The following SLC38A8 variants were observed in gnomAD, a reference collection of about 807,000 sequenced individuals.
SLC38A8 encodes amino acid transporter SLC38A8.
A neutral mutation model predicts 46.0 loss-of-function variants in SLC38A8; 65 were observed. The ratio of observed to expected loss-of-function variants is 1.41; its 90% CI spans 1.16 to 1.74. The LOEUF (loss-of-function observed/expected upper bound fraction) is 1.74, where lower values mean the gene tolerates loss of function less well. Ranked by LOEUF, SLC38A8 falls within the 40% of genes most tolerant of loss-of-function variation. The pLI is 0.00. For synonymous variants in SLC38A8, 447 were observed against 243.7 expected (o/e 1.83, Z -7.77); for missense variants, 998 against 567.9 (o/e 1.76, Z -7.70).
chr16:84,024,097 A>G (rs9929729), intron 6 of SLC38A8, among the ~76,000 whole-genome samples: 61,895 of 151,912 alleles, frequency 0.41, 13,078 homozygotes, highest in African/African-American at 0.49. Context: ...CATGCCAGTA[A>G]CAGCCCCCCT....
chr16:84,040,584 C>A (rs546804710), intron 2 of SLC38A8, among the ~76,000 whole-genome samples: 103 of 152,342 alleles, frequency 6.8e-4, no homozygotes, highest in Non-Finnish European at 1.4e-3. Context: ...CACCTGCCCT[C>A]TGTGGCTTGA....
chr16:84,028,129 A>C (rs529064514), intron 6 of SLC38A8, among the ~76,000 whole-genome samples: 1 of 152,214 alleles, frequency 6.6e-6, no homozygotes, highest in Admixed American at 6.5e-5. Context: ...TGGTCAAGGG[A>C]AGAGACGAGC....
chr16:84,017,181 G>C lies in SLC38A8; in HGVS notation c.912C>G (p.Val304=). The C allele has an allele frequency of 6.2e-7, 1 of 1,614,104 alleles. No homozygotes were observed. Among genetic ancestry groups the C allele is most frequent in the South Asian group, 1.1e-5 (1 of 91,070 alleles). The change falls in exon 8 of 11, where the codon GTC becomes GTG. Residue 304 remains valine (V), a synonymous_variant. Coordinates refer to ENST00000299709, the MANE Select transcript of SLC38A8 (RefSeq NM_001080442.3). ...CGATGGGGTAGACAGTTACGATGGA[G>C]ACAGCAAAAAGGACCCGGGCCACAA... ...VIIVARVLFA[V]SIVTVYPIVL...
At chr16:84,033,817 A>G (rs4782878) in intron 3 of SLC38A8, among the ~76,000 whole-genome samples, 130,156 of 152,182 alleles carry the variant, frequency 0.86, 55,753 homozygotes, top group East Asian at 0.91. Context: ...TAGTATCTGG[A>G]GTCAAATGGG....
intron 7 of SLC38A8, among the ~76,000 whole-genome samples, chr16:84,020,269 G>C (rs1040280441): frequency 3.3e-5 from 5 of 151,576 alleles, no homozygotes; most frequent in Non-Finnish European, 7.4e-5. Context: ...TCAGCCTCCT[G>C]AGTAGCTGGA....
chr16:84,021,445 A>C (rs193069425), intron 7 of SLC38A8, among the ~76,000 whole-genome samples: 63 of 152,318 alleles, frequency 4.1e-4, no homozygotes, highest in African/African-American at 1.3e-3. Flanking sequence ...CCAGCTTCTA[A>C]CAGGTTTGTC....
intron 6 of SLC38A8, among the ~76,000 whole-genome samples, chr16:84,024,479 G>T (rs897980655): frequency 1.3e-5 from 2 of 151,994 alleles, no homozygotes; most frequent in Non-Finnish European, 2.9e-5. Context: ...ATGCCCAAGG[G>T]GGATAAGAAT....
chr16:84,035,788 C>T (rs770535783), intron 3 of SLC38A8, among the ~76,000 whole-genome samples: 4 of 152,196 alleles, frequency 2.6e-5, no homozygotes, highest in Admixed American at 6.5e-5. Context: ...TCAAAGACCA[C>T]GAACCATGAA....
rs780388997 is a variant in SLC38A8 at position 84,042,124 on chromosome 16, G to T, written c.34C>A (p.Pro12Thr). ...EGQTPGSRGLPEKPHPATAAA... is the reference protein window; with the variant it reads ...EGQTPGSRGLTEKPHPATAAA... ...GCCGTGGCAGGGTGAGGCTTTTCTG[G>T]AAGGCCCCTGCTTCCTGGGGTCTGT... The change falls in exon 2 of 11, where the codon CCA becomes ACA. Residue 12 changes from proline to threonine, a missense_variant. By Grantham distance (38) the Pro-to-Thr change is conservative. Transcript: ENST00000299709. 1.9e-6 allele frequency: 3 copies of T among 1,613,592 alleles called. No homozygotes were observed. The highest frequency in any genetic ancestry group is 1.7e-6 in the Non-Finnish European group (2 of 1,179,830).
rs373517197 is a variant in SLC38A8, at chr16:84,038,813, G to C, written c.190-1913C>G. Among the ~76,000 whole-genome samples, 61 of 152,218 alleles carry C rather than the reference G, an allele frequency of 4.0e-4. 1 individual carries two copies. In the East Asian group the frequency reaches 0.01, roughly 26 times the overall value. Reference sequence around the variant, plus strand: ...TACTCCCACTCCATCAAGCATGTGTGATTGATCCGTATCGGGCGCACAGGC... The same window carrying C: ...TACTCCCACTCCATCAAGCATGTGTCATTGATCCGTATCGGGCGCACAGGC... On this transcript the variant is annotated intron_variant, in intron 2 of 10. Coordinates refer to ENST00000299709, the MANE Select transcript of SLC38A8 (RefSeq NM_001080442.3).
At chr16:84,033,205 G>A (rs573914296) in intron 4 of SLC38A8, 123 bp downstream of exon 4, 49 of 1,339,518 alleles carry the variant, frequency 3.7e-5, no homozygotes, top group Admixed American at 6.8e-5. Flanking sequence ...TTTTTTTTTC[G>A]TTTTCCCCTT....
chr16:84,026,417 G>T (rs553162367), intron 6 of SLC38A8, among the ~76,000 whole-genome samples: 1 of 152,174 alleles, frequency 6.6e-6, no homozygotes, highest in Admixed American at 6.5e-5. Flanking sequence ...AGTGAAGATG[G>T]GGTTTCACCA....
At chr16:84,012,959 C>T (rs370482252) in intron 10 of SLC38A8, 42 bp downstream of exon 10, 77 of 1,601,552 alleles carry the variant, frequency 4.8e-5, no homozygotes, top group South Asian at 1.7e-4. Context: ...TACTCTGATC[C>T]GGGGCACACC....
At chr16:84,039,788 G>C (rs887384335) in intron 2 of SLC38A8, 2 of 146,362 alleles carry the variant, frequency 1.4e-5, no homozygotes, top group Admixed American at 6.8e-5. Flanking sequence ...AGGTGTGGGG[G>C]GCAAGGAAGC....
intron 6 of SLC38A8, among the ~76,000 whole-genome samples, chr16:84,023,467 C>G (rs2085119923): frequency 6.6e-6 from 1 of 152,082 alleles, no homozygotes; most frequent in Non-Finnish European, 1.5e-5. Context: ...CCCAACAGAA[C>G]CCACATGCCC....
At position 84,016,607 on chromosome 16, in the gene SLC38A8, C is replaced by A. The variant is rs143797848; in HGVS notation, c.1074G>T (p.Thr358=). ...MPLTILWVTV[T]LAMALFMPDL... ...CAGGCATAAACAGCGCCATGGCGAGCGTCACGGTGACCCACAGGATGGTCA... is the reference window on the plus strand; with the variant it reads ...CAGGCATAAACAGCGCCATGGCGAGAGTCACGGTGACCCACAGGATGGTCA... Residue 358 remains threonine (T), a synonymous_variant, in exon 9 of 11, where the codon ACG becomes ACT. Coordinates refer to ENST00000299709, the MANE Select transcript of SLC38A8 (RefSeq NM_001080442.3). 1.2e-6 allele frequency: 2 copies of A among 1,613,952 alleles called. No homozygotes were observed. Among genetic ancestry groups the A allele is most frequent in the African/African-American group, 1.3e-5 (1 of 75,074 alleles).
intron 2 of SLC38A8, among the ~76,000 whole-genome samples, chr16:84,038,470 G>T (rs2085328024): frequency 6.6e-6 from 1 of 152,106 alleles, no homozygotes. Context: ...CCATCTTAAT[G>T]GATCAGCATT....
chr16:84,041,742 C>T (rs1361326452), intron 2 of SLC38A8, among the ~76,000 whole-genome samples: 1 of 152,154 alleles, frequency 6.6e-6, no homozygotes, highest in Non-Finnish European at 1.5e-5. Flanking sequence ...TAGCTCCATC[C>T]CGGAAGCTGT....
chr16:84,024,622 A>C (rs72799224), intron 6 of SLC38A8, among the ~76,000 whole-genome samples: 10,610 of 152,160 alleles, frequency 0.07, 603 homozygotes, highest in East Asian at 0.2. Flanking sequence ...CTCTACTAAA[A>C]GTATAAAAAT....
Sources: allele counts gnomAD v4.1 joint callset (sites outside exome capture counted in the v4.1 genomes callset), GRCh38; gene constraint gnomAD v4.1.1; transcripts MANE v1.5; gene names NCBI Gene and HGNC (gene_info 2026-07-23, HGNC 2026-07-21).